MYH11: variants seen among roughly 807,000 people sequenced by gnomAD.
MYH11 encodes myosin heavy chain 11.
Under a neutral mutation model 246.6 loss-of-function variants are expected in MYH11, and 80 were observed. That is an observed-to-expected ratio of 0.32 (90% confidence interval 0.27 to 0.39). The LOEUF (loss-of-function observed/expected upper bound fraction) is 0.39. MYH11 is among the 10% of genes least tolerant of loss of function. The pLI, the probability that MYH11 is intolerant of heterozygous loss-of-function variation, is 1.00. For synonymous variants in MYH11, 1,071 were observed against 1,015.5 expected (o/e 1.05, Z -1.04); for missense variants, 2,158 against 2,546.8 (o/e 0.85, Z 3.29).
chr16:15,841,662 C>G (rs1480310775), intron 1 of MYH11, among the ~76,000 whole-genome samples: 1 of 152,172 alleles, frequency 6.6e-6, no homozygotes, highest in Non-Finnish European at 1.5e-5. Context: ...AGGAGAGGGA[C>G]AGAGACAACA....
At chr16:15,824,312 C>G (rs2043501706) in intron 2 of MYH11, among the ~76,000 whole-genome samples, 1 of 151,098 alleles carries the variant, frequency 6.6e-6, no homozygotes. Flanking sequence ...GGGTCTTGCT[C>G]TGTCGCCCAG....
intron 20 of MYH11, among the ~76,000 whole-genome samples, chr16:15,744,859 C>T (rs1041999354): frequency 7.2e-5 from 11 of 152,178 alleles, no homozygotes; most frequent in African/African-American, 2.4e-4. Flanking sequence ...TCCATGGCTA[C>T]GGAGGAAGTG....
intron 40 of MYH11, among the ~76,000 whole-genome samples, chr16:15,710,391 C>A (rs141407532): frequency 5.3e-5 from 8 of 152,076 alleles, no homozygotes; most frequent in Non-Finnish European, 1.0e-4. Context: ...TGTGGTGGCA[C>A]GCACCTGTAA....
chr16:15,719,267 G>A lies in MYH11; in HGVS notation c.5124C>T (p.Leu1708=), dbSNP rs777163903. 1.2e-5 allele frequency: 20 copies of A among 1,613,064 alleles called. No homozygotes were observed. The highest frequency in any genetic ancestry group is 8.3e-5 in the Admixed American group (5 of 59,982). ...AAERARKQAD[L]EKEELAEELA... The stretch of plus-strand genomic sequence containing the variant: ...GCTCCTCTGCCAGTTCCTCCTTCTC[G>A]AGGTCCGCTTGTTTGCGAGCCCTCT... Residue 1708 remains leucine (L), a synonymous_variant, in exon 36 of 41, where the codon CTC becomes CTT. Transcript: ENST00000300036.
At chr16:15,758,569 C>T (rs1333044136) in intron 12 of MYH11, among the ~76,000 whole-genome samples, 6 of 151,008 alleles carry the variant, frequency 4.0e-5, no homozygotes, top group Admixed American at 6.6e-5. Context: ...TTTGGGAGGC[C>T]GAGGCTGGTG....
Position 15,703,703 on chromosome 16 carries a change from C to T in MYH11, c.*288G>A, listed in dbSNP as rs2039304553. The stretch of plus-strand genomic sequence containing the variant: ...TCCTGGGCTGGAGCGTTCTTCCTGG[C>T]TCAGCCTCCCTAGTAGCTGGGACCA... On this transcript the variant is annotated 3_prime_UTR_variant, in exon 41 of 41. Transcript: ENST00000300036. 1 of 463,710 alleles carries T rather than the reference C, an allele frequency of 2.2e-6. No homozygotes were observed. Among genetic ancestry groups the T allele is most frequent in the African/African-American group, 1.9e-5 (1 of 51,332 alleles). The allele number at this position is 463,710 out of a possible 1,614,324, so 28.7% of individuals were successfully genotyped here. A position where few individuals can be genotyped will look rare whatever the true frequency, so the allele number is the denominator to read the frequency against.
At chr16:15,807,192 A>G (rs537015784) in intron 3 of MYH11, among the ~76,000 whole-genome samples, 1 of 152,182 alleles carries the variant, frequency 6.6e-6, no homozygotes, top group African/African-American at 2.4e-5. Context: ...GTAACTTAGT[A>G]ATATTACCCA....
At position 15,756,296 on chromosome 16, in the gene MYH11, T is replaced by TG. The variant is rs779813842; in HGVS notation, c.1749+44dup. The TG allele has an allele frequency of 8.7e-6, 14 of 1,606,206 alleles. No homozygotes were observed. The African/African-American group carries it at 1.7e-4, about 20-fold the overall frequency. ...GACTGTCTCTGCGCTGAGCAGCCACTGGGGGTCCCCTGAGACAGAGTCCCC... is the reference window on the plus strand; with the variant it reads ...GACTGTCTCTGCGCTGAGCAGCCACTGGGGGGTCCCCTGAGACAGAGTCCCC... On this transcript the variant is annotated intron_variant, in intron 14 of 40. Coordinates refer to ENST00000300036, the MANE Select transcript of MYH11 (RefSeq NM_002474.3).
intron 2 of MYH11, among the ~76,000 whole-genome samples, chr16:15,835,579 C>A (rs966070422): frequency 6.6e-6 from 1 of 152,014 alleles, no homozygotes; most frequent in Non-Finnish European, 1.5e-5. Flanking sequence ...ACAAGGATGC[C>A]AAGTGATGGA....
intron 3 of MYH11, among the ~76,000 whole-genome samples, chr16:15,817,374 C>T (rs531372989): frequency 1.5e-4 from 23 of 152,142 alleles, no homozygotes; most frequent in African/African-American, 5.3e-4. Flanking sequence ...TGCCTGTAGT[C>T]CCAGCTACTC....
At chr16:15,729,403 C>A (rs947007334) in intron 27 of MYH11, among the ~76,000 whole-genome samples, 1 of 152,136 alleles carries the variant, frequency 6.6e-6, no homozygotes, top group African/African-American at 2.4e-5. Flanking sequence ...AATGGACATG[C>A]CGTCTGCTGG....
chr16:15,728,805 C>G (rs2040873699), intron 27 of MYH11, among the ~76,000 whole-genome samples: 1 of 151,932 alleles, frequency 6.6e-6, no homozygotes, highest in Non-Finnish European at 1.5e-5. Flanking sequence ...GAGGCTGAAG[C>G]AGGAGAATTG....
chr16:15,790,955 C>CTTTTTTTTTTTTTTTT (rs770852667), intron 4 of MYH11: 8 of 118,234 alleles, frequency 6.8e-5, no homozygotes, highest in East Asian at 2.4e-4. Context: ...TTTTTCTTTT[C>CTTTTTTTTTTTTTTTT]TTTTTTTTTT....
rs1396683448 is a variant in MYH11 at position 15,728,870 on chromosome 16, A to T, written c.3652-1816T>A. ...AGCCGAGATCCCGCCAGTGCACTCC[A>T]GCCTGGGCGACAGAGTGAGACTTTG... On this transcript the variant is annotated intron_variant, in intron 27 of 40. Transcript: ENST00000300036. Among the ~76,000 whole-genome samples, 4 of 152,008 alleles carry T rather than the reference A, an allele frequency of 2.6e-5. No individual in the cohort carries two copies. The East Asian group carries it at 5.8e-4, about 22-fold the overall frequency.
chr16:15,769,344 T>C (rs902649074), intron 9 of MYH11, among the ~76,000 whole-genome samples: 46 of 151,958 alleles, frequency 3.0e-4, no homozygotes, highest in Non-Finnish European at 6.2e-4. Flanking sequence ...AACCCTAAAA[T>C]CAAAAATTAG....
intron 1 of MYH11, among the ~76,000 whole-genome samples, chr16:15,847,034 C>A (rs2044208326): frequency 6.6e-6 from 1 of 152,118 alleles, no homozygotes; most frequent in South Asian, 2.1e-4. Context: ...TTGTAAAGTA[C>A]ACTTCATTTT....
intron 5 of MYH11, among the ~76,000 whole-genome samples, chr16:15,784,312 T>G (rs928464848): frequency 4.6e-5 from 7 of 152,056 alleles, no homozygotes; most frequent in Non-Finnish European, 8.8e-5. Flanking sequence ...CCAGGGAAGC[T>G]TTGGGGCCTG....
intron 27 of MYH11, 136 bp downstream of exon 27, chr16:15,732,428 T>G: frequency 1.5e-6 from 2 of 1,317,132 alleles, no homozygotes; most frequent in Non-Finnish European, 2.2e-6. Flanking sequence ...TAAATAAATA[T>G]AAGCTGCTAT....
intron 40 of MYH11, among the ~76,000 whole-genome samples, chr16:15,707,027 C>G (rs1198708630): frequency 6.6e-6 from 1 of 152,124 alleles, no homozygotes. Flanking sequence ...CTTAAAGGGT[C>G]TGATCCTGGA....
Sources: allele counts gnomAD v4.1 joint callset (sites outside exome capture counted in the v4.1 genomes callset), GRCh38; gene constraint gnomAD v4.1.1; transcripts MANE v1.5; gene names NCBI Gene and HGNC (gene_info 2026-07-23, HGNC 2026-07-21).